The following LRRN3 variants were observed in gnomAD, a reference collection of about 807,000 sequenced individuals.
LRRN3 encodes leucine-rich repeat neuronal protein 3.
Under a neutral mutation model 40.1 loss-of-function variants are expected in LRRN3, and 15 were observed. The ratio of observed to expected loss-of-function variants is 0.37; its 90% CI spans 0.25 to 0.58. The LOEUF (loss-of-function observed/expected upper bound fraction) is 0.58. LRRN3 is among the 20% of genes least tolerant of loss of function. The pLI is 0.72. For synonymous variants in LRRN3, 308 were observed against 297.2 expected (o/e 1.04, Z -0.37); for missense variants, 746 against 837.7 (o/e 0.89, Z 1.35).
At chr7:111,110,697 G>T (rs1197314605) in intron 2 of LRRN3, among the ~76,000 whole-genome samples, 1 of 152,120 alleles carries the variant, frequency 6.6e-6, no homozygotes, top group Non-Finnish European at 1.5e-5. Flanking sequence ...AATTAATGTT[G>T]AGTAATTCTT....
rs768513471 is a variant in LRRN3, at chr7:111,124,872, T to C, written c.2100T>C (p.Val700=). ...CATCACTGAAAGTAAAAGCAACTGT[T>C]ATAGGTTTACCAACAAATATGTCCT... ...KSTSLKVKAT[V]IGLPTNMS Residue 700 remains valine, a synonymous_variant, in exon 3 of 3, where the codon GTT becomes GTC. Coordinates refer to ENST00000308478, the MANE Select transcript of LRRN3 (RefSeq NM_001099658.2). 2 of 1,602,066 alleles carry C rather than the reference T, an allele frequency of 1.2e-6. No homozygotes were observed. The highest frequency in any genetic ancestry group is 8.5e-7 in the Non-Finnish European group (1 of 1,177,536).
chr7:111,106,501 A>G (rs749513724), intron 2 of LRRN3, among the ~76,000 whole-genome samples: 4 of 151,816 alleles, frequency 2.6e-5, no homozygotes, highest in Non-Finnish European at 5.9e-5. Context: ...TATGTCTTCT[A>G]CCATCACCAT....
rs1800959785 is a variant in LRRN3 at position 111,123,891 on chromosome 7, C to G, written c.1119C>G (p.Asp373Glu). The G allele has an allele frequency of 3.7e-6, 6 of 1,613,912 alleles. No individual in the cohort carries two copies. The highest frequency in any genetic ancestry group is 5.1e-6 in the Non-Finnish European group (6 of 1,179,992). ...ISIHSNPIRCDCVIRWMNMNK... is the reference protein window; with the variant it reads ...ISIHSNPIRCECVIRWMNMNK... ...TACACAGTAACCCCATCAGGTGTGACTGTGTCATCCGTTGGATGAACATGA... is the reference window on the plus strand; with the variant it reads ...TACACAGTAACCCCATCAGGTGTGAGTGTGTCATCCGTTGGATGAACATGA... Residue 373 changes from aspartate (D) to glutamate (E), a missense_variant, in exon 3 of 3, where the codon GAC (aspartate) becomes GAG (glutamate). By Grantham distance (45) the Asp-to-Glu change is conservative (BLOSUM62 2). Transcript: ENST00000308478. This position sits in a 1 kb window ranked among gnomAD's most constrained non-coding sequence, Gnocchi z 6.4.
At chr7:111,092,446 A>C (rs2129578056) in intron 1 of LRRN3, among the ~76,000 whole-genome samples, 1 of 152,282 alleles carries the variant, frequency 6.6e-6, no homozygotes, top group South Asian at 2.1e-4. Flanking sequence ...TCTGCCTCTA[A>C]TTTCAGTGAA....
intron 1 of LRRN3, among the ~76,000 whole-genome samples, chr7:111,091,802 GA>G (rs1385208325): frequency 6.6e-6 from 1 of 151,872 alleles, no homozygotes; most frequent in Non-Finnish European, 1.5e-5. Flanking sequence ...GAGGGAGACA[GA>G]AGAGAAGGGA....
Position 111,123,793 on chromosome 7 carries a change from C to T in LRRN3, c.1021C>T (p.Leu341=). The change falls in exon 3 of 3, where the codon CTG becomes TTG. Residue 341 remains leucine, a synonymous_variant. Coordinates refer to ENST00000308478, the MANE Select transcript of LRRN3 (RefSeq NM_001099658.2). This position sits in a 1 kb window ranked among gnomAD's most constrained non-coding sequence, Gnocchi z 6.4. The part of the protein sequence containing the change: ...FRLPKLESLM[L]NSNALSALYH... ...ACTCCCCAAGCTGGAATCACTCATG[C>T]TGAACAGCAATGCTCTCAGTGCCCT... The T allele has an allele frequency of 1.2e-6, 2 of 1,614,062 alleles. No individual in the cohort carries two copies. Among genetic ancestry groups the T allele is most frequent in the Non-Finnish European group, 1.7e-6 (2 of 1,179,982 alleles).
intron 2 of LRRN3, among the ~76,000 whole-genome samples, chr7:111,104,922 G>A (rs184735759): frequency 6.6e-6 from 1 of 151,548 alleles, no homozygotes; most frequent in African/African-American, 2.4e-5. Flanking sequence ...ACACAAAAGA[G>A]GAAGAAAAAC....
intron 2 of LRRN3, among the ~76,000 whole-genome samples, chr7:111,111,814 T>C (rs1799238794): frequency 6.6e-6 from 1 of 151,668 alleles, no homozygotes; most frequent in Admixed American, 6.6e-5. Context: ...AACTCCATCC[T>C]GGGCGACAAA....
In LRRN3 at chr7:111,122,659, T is replaced by C; in HGVS notation, c.-114T>C. The C allele has an allele frequency of 1.2e-6, 1 of 819,738 alleles. No individual in the cohort carries two copies. The highest frequency in any genetic ancestry group is 2.0e-6 in the Non-Finnish European group (1 of 512,378). 50.8% of individuals were successfully genotyped at this position (819,738 alleles called of 1,614,324 possible). A position where few individuals can be genotyped will look rare whatever the true frequency, so the allele number is the denominator to read the frequency against. On this transcript the variant is annotated 5_prime_UTR_variant, in exon 3 of 3. Coordinates refer to ENST00000308478, the MANE Select transcript of LRRN3 (RefSeq NM_001099658.2). Reference sequence around the variant, plus strand: ...AGAAAAACTTTGTGGTTCTATGGCATTCATCATTTGACAAATGCAAGCATC... The same window carrying C: ...AGAAAAACTTTGTGGTTCTATGGCACTCATCATTTGACAAATGCAAGCATC...
chr7:111,095,520 A>G (rs1797310114), intron 1 of LRRN3, among the ~76,000 whole-genome samples: 1 of 152,064 alleles, frequency 6.6e-6, no homozygotes, highest in African/African-American at 2.4e-5. Context: ...AATAGAAGCA[A>G]CGATTTATTA....
intron 2 of LRRN3, among the ~76,000 whole-genome samples, chr7:111,103,199 T>C (rs554724717): frequency 2.0e-5 from 3 of 151,732 alleles, no homozygotes; most frequent in South Asian, 2.1e-4. Flanking sequence ...CATTACTCCA[T>C]CATCTCAAAA....
intron 2 of LRRN3, among the ~76,000 whole-genome samples, chr7:111,107,916 A>T (rs984384500): frequency 1.3e-5 from 2 of 152,188 alleles, no homozygotes; most frequent in Non-Finnish European, 2.9e-5. Context: ...TGCTGCATAG[A>T]TTTAGAGTTC....
chr7:111,109,632 T>C (rs796580258), intron 2 of LRRN3, among the ~76,000 whole-genome samples: 5 of 152,276 alleles, frequency 3.3e-5, no homozygotes, highest in African/African-American at 1.2e-4. Context: ...TTTCACCACC[T>C]CATGAAATCT....
intron 1 of LRRN3, among the ~76,000 whole-genome samples, chr7:111,095,695 A>G (rs1047023691): frequency 1.3e-4 from 19 of 151,954 alleles, no homozygotes; most frequent in African/African-American, 3.6e-4. Context: ...ATCATCCACT[A>G]TAAGTTTTAA....
At chr7:111,119,085 GT>G (rs1489117135) in intron 2 of LRRN3, among the ~76,000 whole-genome samples, 1 of 152,098 alleles carries the variant, frequency 6.6e-6, no homozygotes, top group Non-Finnish European at 1.5e-5. Context: ...CAAACCTCTA[GT>G]TAACTTAAAG....
rs372209557 is a variant in LRRN3, at chr7:111,122,784, G to A, written c.12G>A (p.Met4Ile). Residue 4 changes from methionine to isoleucine, a missense_variant, in exon 3 of 3, where the codon ATG becomes ATA. Met to Ile is a conservative substitution (Grantham distance 10, BLOSUM62 1). Coordinates refer to ENST00000308478, the MANE Select transcript of LRRN3 (RefSeq NM_001099658.2). ...AGAAGAAAGCTAAGATGAAGGACAT[G>A]CCACTCCGAATTCATGTGCTACTTG... is the stretch of plus-strand genomic sequence containing the variant. MKD[M>I]PLRIHVLLGL... is the part of the protein sequence containing the mutation. 1 of 1,612,252 alleles carries A rather than the reference G, an allele frequency of 6.2e-7. No homozygotes were observed. The highest frequency in any genetic ancestry group is 1.3e-5 in the African/African-American group (1 of 74,994).
chr7:111,118,683 C>T (rs1323455921), intron 2 of LRRN3, among the ~76,000 whole-genome samples: 5 of 152,088 alleles, frequency 3.3e-5, no homozygotes, highest in African/African-American at 9.7e-5. Flanking sequence ...TTATTACTTA[C>T]TTATTATCCT....
intron 2 of LRRN3, among the ~76,000 whole-genome samples, chr7:111,112,034 G>T (rs368071362): frequency 1.1e-4 from 15 of 133,712 alleles, no homozygotes; most frequent in African/African-American, 4.1e-4. Flanking sequence ...TGCAACCTCT[G>T]CCTCCTGGGT....
At chr7:111,097,013 C>A (rs190508992) in intron 1 of LRRN3, 1 of 151,852 alleles carries the variant, frequency 6.6e-6, no homozygotes. Context: ...TGTCATTTCA[C>A]GCTTTACTTC....
Sources: gnomAD v4.1 joint callset for allele counts (sites outside exome capture counted in the v4.1 genomes callset) on GRCh38, gnomAD v4.1.1 for gene constraint, Gnocchi (gnomAD v3.1) non-coding constraint, MANE v1.5 for transcripts, NCBI Gene and HGNC (gene_info 2026-07-23, HGNC 2026-07-21) for gene names.